The following SDF4 variants were observed in gnomAD, a reference collection of about 807,000 sequenced individuals.
SDF4 encodes the protein 45 kDa calcium-binding protein.
SDF4 carries 22 observed loss-of-function variants against 34.2 expected under a neutral mutation model. The ratio of observed to expected loss-of-function variants is 0.64; its 90% CI spans 0.46 to 0.92. The LOEUF (loss-of-function observed/expected upper bound fraction) is 0.92, where lower values mean the gene tolerates loss of function less well. SDF4 is among the 40% of genes least tolerant of loss of function. The pLI is 0.00. For missense variants in SDF4, 447 were observed against 499.9 expected (o/e 0.89, Z 1.01); for synonymous variants, 236 against 203.1 (o/e 1.16, Z -1.38).
chr1:1,225,639 G>A (rs1226251620), intron 2 of SDF4, among the ~76,000 whole-genome samples: 1 of 152,194 alleles, frequency 6.6e-6, no homozygotes, highest in African/African-American at 2.4e-5. Flanking sequence ...GGCACCTGGT[G>A]GGTCTCACGT....
chr1:1,231,333 G>C (rs969575567), intron 1 of SDF4, among the ~76,000 whole-genome samples: 1 of 152,382 alleles, frequency 6.6e-6, no homozygotes, highest in South Asian at 2.1e-4. Context: ...CTTAGGCAGA[G>C]ACGCTATTTC....
chr1:1,228,684 C>A lies in SDF4; in HGVS notation c.89G>T (p.Arg30Leu). 6.2e-7 allele frequency: 1 copy of A among 1,612,988 alleles called. No individual in the cohort carries two copies. ...GAVLLMDASARPANHSSTRER... is the reference protein window; with the variant it reads ...GAVLLMDASALPANHSSTRER... ...TCGAGTGGACGAGTGGTTGGCAGGC[C>A]GTGCAGACGCGTCCATCAGAAGGAC... Residue 30 changes from arginine to leucine, a missense_variant, in exon 2 of 7, where the codon CGG (arginine) becomes CTG (leucine). Arg to Leu is a moderately radical substitution (Grantham distance 102). Coordinates refer to ENST00000360001, the MANE Select transcript of SDF4 (RefSeq NM_016176.6).
intron 2 of SDF4, among the ~76,000 whole-genome samples, chr1:1,224,437 G>C (rs914439216): frequency 6.6e-6 from 1 of 152,170 alleles, no homozygotes. Context: ...GCACCACCAC[G>C]CCTGGCTAAT....
At chr1:1,225,528 C>T (rs1159500636) in intron 2 of SDF4, among the ~76,000 whole-genome samples, 2 of 152,216 alleles carry the variant, frequency 1.3e-5, no homozygotes, top group African/African-American at 4.8e-5. Flanking sequence ...GCAGCCGCAG[C>T]AGCCCAGAGG....
Position 1,228,867 on chromosome 1 carries a change from G to T in SDF4, c.-95C>A, listed in dbSNP as rs1638399534. 2 of 1,188,630 alleles carry T rather than the reference G, an allele frequency of 1.7e-6. No homozygotes were observed. The highest frequency in any genetic ancestry group is 2.7e-4 in the Middle Eastern group (1 of 3,674). The allele number at this position is 1,188,630 out of a possible 1,614,324, so 73.6% of individuals were successfully genotyped here. ...GGGCAGAGGAGGAAGTGAGGTCCTG[G>T]CTCCAATCCAATCCCCGGGCACCAC... On this transcript the variant is annotated 5_prime_UTR_variant, in exon 2 of 7. Transcript: ENST00000360001.
At position 1,217,013 on chromosome 1, in the gene SDF4, C is replaced by T. The variant is rs1485326892; in HGVS notation, c.*499G>A. On this transcript the variant is annotated 3_prime_UTR_variant, in exon 7 of 7. Transcript: ENST00000360001. This position sits in a 1 kb window ranked among gnomAD's most constrained non-coding sequence, Gnocchi z 8.5. ...CGGCAGCTGCGGGACCTGGGTGGCT[C>T]CGACACGCCAGGCCCGGGAAGGACC... 6.6e-6 allele frequency: 1 copy of T among 152,220 alleles called. No individual in the cohort carries two copies. Among genetic ancestry groups the T allele is most frequent in the Admixed American group, 6.5e-5 (1 of 15,288 alleles). 9.4% of individuals were successfully genotyped at this position (152,220 alleles called of 1,614,324 possible). A position where few individuals can be genotyped will look rare whatever the true frequency, so the allele number is the denominator to read the frequency against.
intron 1 of SDF4, among the ~76,000 whole-genome samples, chr1:1,230,392 C>T (rs1167674090): frequency 6.6e-6 from 1 of 152,132 alleles, no homozygotes; most frequent in South Asian, 2.1e-4. Context: ...TGCAGTCTGC[C>T]ACAAACCAAG....
At chr1:1,225,351 G>C (rs1459609332) in intron 2 of SDF4, among the ~76,000 whole-genome samples, 20 of 152,202 alleles carry the variant, frequency 1.3e-4, no homozygotes, top group Admixed American at 1.0e-3. Context: ...GGCAGCCGCG[G>C]CCACGTTATG....
In SDF4 at chr1:1,217,724, TC is replaced by T. The variant is rs1436561802; in HGVS notation, c.892-37del. ...GCGGGGCACAGGTCAGCGTCGCCTT[TC>T]CCCCTCCGAGCTCCGCGGCCAGCCG... On this transcript the variant is annotated intron_variant, in intron 6 of 6. Coordinates refer to ENST00000360001, the MANE Select transcript of SDF4 (RefSeq NM_016176.6). The surrounding 1 kb of genome is among the most constrained non-coding windows in gnomAD (Gnocchi z 8.5). The T allele has an allele frequency of 1.2e-6, 2 of 1,611,908 alleles. No individual in the cohort carries two copies. The highest frequency in any genetic ancestry group is 1.7e-6 in the Non-Finnish European group (2 of 1,179,262).
intron 1 of SDF4, among the ~76,000 whole-genome samples, chr1:1,229,559 A>ATC (rs1225649312): frequency 6.6e-5 from 10 of 151,712 alleles, no homozygotes; most frequent in African/African-American, 1.5e-4. Flanking sequence ...CCGTCTTTCC[A>ATC]TCTCTCTCTC....
chr1:1,220,066 G>A (rs1649831318), intron 4 of SDF4: 1 of 986,528 alleles, frequency 1.0e-6, no homozygotes, highest in Non-Finnish European at 1.2e-6. Flanking sequence ...ATCCAGGAGA[G>A]GCACAGACGC....
At chr1:1,228,414 C>T (rs1638378907) in intron 2 of SDF4, 54 bp downstream of exon 2, 2 of 1,519,032 alleles carry the variant, frequency 1.3e-6, no homozygotes, top group Non-Finnish European at 1.8e-6. Flanking sequence ...GATAGGAACA[C>T]ACAGGCGAGC....
chr1:1,229,105 G>A (rs539023894), intron 1 of SDF4, among the ~76,000 whole-genome samples, 159 bp from the exon 2 acceptor site: 8 of 152,100 alleles, frequency 5.3e-5, no homozygotes, highest in East Asian at 1.9e-4. Context: ...CAGACCACAC[G>A]TGGCATTGTT....
At position 1,223,841 on chromosome 1, in the gene SDF4, C is replaced by T; in HGVS notation, c.433G>A (p.Asp145Asn). 1 of 1,597,426 alleles carries T rather than the reference C, an allele frequency of 6.3e-7. No individual in the cohort carries two copies. Reference protein sequence around the residue: ...SKTHFRAVDPDGDGHVSWDEY... With the variant: ...SKTHFRAVDPNGDGHVSWDEY... ...GGCCCAGCCACAGTACCGTCCCCGT[C>T]AGGGTCCACGGCGCGGAAGTGTGTC... The change falls in exon 3 of 7, where the codon GAC becomes AAC. Residue 145 changes from aspartate (D) to asparagine (N), a missense_variant. Coordinates refer to ENST00000360001, the MANE Select transcript of SDF4 (RefSeq NM_016176.6).
chr1:1,223,303 C>T lies in SDF4; in HGVS notation c.497G>A (p.Ser166Asn). ...KVKFLASKGH[S>N]EKEVADAIRL... ...GATGGCGTCGGCAACCTCCTTCTCG[C>T]TATGGCCTTTACTCGCCAAAAACTT... The change falls in exon 4 of 7, where the codon AGC (serine) becomes AAC (asparagine). Residue 166 changes from serine (S) to asparagine (N), a missense_variant. By Grantham distance (46) the Ser-to-Asn change is conservative. Transcript: ENST00000360001. The T allele has an allele frequency of 4.3e-6, 7 of 1,614,110 alleles. No homozygotes were observed. The highest frequency in any genetic ancestry group is 5.9e-6 in the Non-Finnish European group (7 of 1,180,012).
intron 4 of SDF4, among the ~76,000 whole-genome samples, chr1:1,221,698 C>T (rs1053166721): frequency 1.3e-5 from 2 of 152,136 alleles, no homozygotes; most frequent in Admixed American, 6.5e-5. Context: ...CAGTGGCTCA[C>T]GCCTATAATC....
intron 4 of SDF4, chr1:1,220,714 T>G (rs1168738841): frequency 7.8e-7 from 1 of 1,289,156 alleles, no homozygotes; most frequent in African/African-American, 1.5e-5. Flanking sequence ...GAGCTCTAGG[T>G]CCAGGTGGGC....
chr1:1,218,533 C>T lies in SDF4; in HGVS notation c.816G>A (p.Val272=), dbSNP rs764866050. ...CCTCAAACTCCTTTTTTCTGTCTTT[C>T]ACCCAGTTGTCGTCAATGTCCTGGC... ...QQGQDIDDNW[V]KDRKKEFEEL... Residue 272 remains valine, a synonymous_variant, in exon 6 of 7, where the codon GTG becomes GTA. Transcript: ENST00000360001. This position sits in a 1 kb window ranked among gnomAD's most constrained non-coding sequence, Gnocchi z 7.9. 4.3e-6 allele frequency: 7 copies of T among 1,614,050 alleles called. No individual in the cohort carries two copies. The Admixed American group carries it at 6.7e-5, about 15-fold the overall frequency.
At chr1:1,231,161 C>T (rs1294854404) in intron 1 of SDF4, among the ~76,000 whole-genome samples, 1 of 152,210 alleles carries the variant, frequency 6.6e-6, no homozygotes, top group African/African-American at 2.4e-5. Flanking sequence ...GTGGCGCTTC[C>T]TCTCCTGGCT....
Sources: allele counts gnomAD v4.1 joint callset (sites outside exome capture counted in the v4.1 genomes callset), GRCh38; gene constraint gnomAD v4.1.1; non-coding constraint Gnocchi (gnomAD v3.1); transcripts MANE v1.5; gene names NCBI Gene and HGNC (gene_info 2026-07-23, HGNC 2026-07-21).